Variants in VCL observed in about 807,000 individuals in gnomAD.
VCL encodes the protein epididymis luminal protein 114.
In VCL, 47 loss-of-function variants were observed where a neutral mutation model predicts 125.7. That is an observed-to-expected ratio of 0.37 (90% CI 0.30 to 0.48). The LOEUF (loss-of-function observed/expected upper bound fraction) is 0.48. Ranked by LOEUF, VCL falls within the 20% of genes least tolerant of loss-of-function variation. The pLI, the probability that VCL is intolerant of heterozygous loss-of-function variation, is 0.99. For synonymous variants in VCL, 458 were observed against 514.6 expected (o/e 0.89, Z 1.49); for missense variants, 1,069 against 1,455.5 (o/e 0.73, Z 4.32).
At chr10:74,009,517 C>T (rs900486121) in intron 1 of VCL, among the ~76,000 whole-genome samples, 1 of 152,082 alleles carries the variant, frequency 6.6e-6, no homozygotes. Context: ...CCTCAGCCTC[C>T]CAAAGTGCTG....
rs750057744 is a variant in VCL, at chr10:74,095,643, T to A, written c.1544-13T>A. Reference sequence around the variant, plus strand: ...TGGGTCTTGTAAGTTTCATTGTTTTTCTCTTGGTCCAGGTCAGGCTGCCAT... The same window carrying A: ...TGGGTCTTGTAAGTTTCATTGTTTTACTCTTGGTCCAGGTCAGGCTGCCAT... On this transcript the variant is annotated splice_polypyrimidine_tract_variant and intron_variant, in intron 11 of 21. Coordinates refer to ENST00000211998, the MANE Select transcript of VCL (RefSeq NM_014000.3). The A allele has an allele frequency of 6.2e-7, 1 of 1,613,344 alleles. No individual in the cohort carries two copies. The highest frequency in any genetic ancestry group is 2.2e-5 in the East Asian group (1 of 44,900).
In VCL at chr10:74,100,999, G is replaced by A. The variant is rs1840044531; in HGVS notation, c.1924G>A (p.Ala642Thr). 6.2e-7 allele frequency: 1 copy of A among 1,614,038 alleles called. No individual in the cohort carries two copies. The highest frequency in any genetic ancestry group is 1.3e-5 in the African/African-American group (1 of 75,006). Residue 642 changes from alanine to threonine, a missense_variant, in exon 14 of 22, where the codon GCT becomes ACT. Physicochemically the swap from Ala to Thr is moderately conservative, Grantham distance 58. Coordinates refer to ENST00000211998, the MANE Select transcript of VCL (RefSeq NM_014000.3). ...TGAAAACCATTCAGGAAAGCTTGGT[G>A]CTACGGCCGAGAAGGCGGCTGCGGT... is the stretch of plus-strand genomic sequence containing the variant. Reference protein sequence around the residue: ...NFENHSGKLGATAEKAAAVGT... With the variant: ...NFENHSGKLGTTAEKAAAVGT...
At chr10:74,083,625 CAG>C in intron 8 of VCL, 112 bp downstream of exon 8, 1 of 1,308,544 alleles carries the variant, frequency 7.6e-7, no homozygotes, top group Non-Finnish European at 1.1e-6. Context: ...TAGTAGATAA[CAG>C]AGATATTATA....
intron 2 of VCL, among the ~76,000 whole-genome samples, chr10:74,062,404 C>A (rs147706595): frequency 7.7e-6 from 1 of 130,160 alleles, no homozygotes; most frequent in Admixed American, 9.4e-5. Flanking sequence ...TGGAGTCTTG[C>A]TATATTGCCC....
intron 18 of VCL, among the ~76,000 whole-genome samples, chr10:74,109,737 T>C (rs925235474): frequency 6.6e-6 from 1 of 152,208 alleles, no homozygotes; most frequent in African/African-American, 2.4e-5. Flanking sequence ...AAAATATGGA[T>C]GCTACAGCAG....
At position 74,097,110 on chromosome 10, in the gene VCL, G is replaced by A. The variant is rs1023897546; in HGVS notation, c.1744-94G>A. ...ACAAATATTTATTGAATGAAAGACT[G>A]AATAGATGAATGAATGTCAGTGAAG... On this transcript the variant is annotated intron_variant, in intron 12 of 21. Coordinates refer to ENST00000211998, the MANE Select transcript of VCL (RefSeq NM_014000.3). This position sits in a 1 kb window ranked among gnomAD's most constrained non-coding sequence, Gnocchi z 4.1. The A allele has an allele frequency of 6.5e-7, 1 of 1,543,142 alleles. No homozygotes were observed. The highest frequency in any genetic ancestry group is 1.4e-5 in the African/African-American group (1 of 73,564).
chr10:74,112,857 C>T (rs1352017450), intron 19 of VCL, among the ~76,000 whole-genome samples: 1 of 152,126 alleles, frequency 6.6e-6, no homozygotes, highest in Non-Finnish European at 1.5e-5. Context: ...GATGGGTAGT[C>T]ACTAACCATG....
At chr10:74,063,068 T>TA (rs1165591554) in intron 2 of VCL, among the ~76,000 whole-genome samples, 1 of 151,344 alleles carries the variant, frequency 6.6e-6, no homozygotes, top group African/African-American at 2.4e-5. Flanking sequence ...AGACTTTGTC[T>TA]AAAAAAAAGA....
At chr10:74,064,081 T>C (rs1841523964) in intron 2 of VCL, among the ~76,000 whole-genome samples, 1 of 152,240 alleles carries the variant, frequency 6.6e-6, no homozygotes, top group Non-Finnish European at 1.5e-5. Context: ...CTGACTTTAC[T>C]ACAAAGTTGG....
At chr10:74,051,622 A>G (rs1841301170) in intron 2 of VCL, among the ~76,000 whole-genome samples, 2 of 152,250 alleles carry the variant, frequency 1.3e-5, no homozygotes, top group African/African-American at 4.8e-5. Flanking sequence ...TTTGATTCCA[A>G]GTATGCTCAT....
intron 1 of VCL, among the ~76,000 whole-genome samples, chr10:74,028,599 G>A (rs1445488188): frequency 6.6e-6 from 1 of 151,958 alleles, no homozygotes; most frequent in Non-Finnish European, 1.5e-5. Context: ...GTTTTACCAC[G>A]TTGGCCAGGC....
intron 2 of VCL, among the ~76,000 whole-genome samples, chr10:74,066,031 G>A (rs1334598072): frequency 7.0e-6 from 1 of 142,976 alleles, no homozygotes; most frequent in Non-Finnish European, 1.5e-5. Flanking sequence ...GAGGTAGAAT[G>A]GGTAAATCAA....
rs1313438627 is a variant in VCL, at chr10:74,097,228, G to A, written c.1768G>A (p.Ala590Thr). ...GGATCTAAAAGCTCGGATGCAGGAG[G>A]CCATGACTCAGGAAGTGTCAGATGT... ...LKDLKARMQE[A>T]MTQEVSDVFS... Residue 590 changes from alanine to threonine, a missense_variant, in exon 13 of 22, where the codon GCC (alanine) becomes ACC (threonine). Physicochemically the swap from Ala to Thr is moderately conservative, Grantham distance 58 (BLOSUM62 0). Around this residue, in one of 6 missense-constraint regions of VCL, gnomAD observed 760 missense variants for 928.9 expected, o/e 0.82. Transcript: ENST00000211998. The surrounding 1 kb of genome is among the most constrained non-coding windows in gnomAD (Gnocchi z 4.1). 6.2e-7 allele frequency: 1 copy of A among 1,614,014 alleles called. No homozygotes were observed. Among genetic ancestry groups the A allele is most frequent in the Non-Finnish European group, 8.5e-7 (1 of 1,179,940 alleles).
chr10:74,101,596 C>T (rs1380754040), intron 14 of VCL, among the ~76,000 whole-genome samples: 9 of 140,494 alleles, frequency 6.4e-5, no homozygotes, highest in South Asian at 2.2e-4. Context: ...TCGCCCAGGC[C>T]GGACTGTGGA....
chr10:74,116,679 T>A (rs1840314464), intron 21 of VCL, among the ~76,000 whole-genome samples: 1 of 120,472 alleles, frequency 8.3e-6, no homozygotes. Flanking sequence ...AGAGTGAAAC[T>A]CCGTCTCAAA....
At chr10:74,004,692 A>G (rs550138546) in intron 1 of VCL, among the ~76,000 whole-genome samples, 1 of 151,926 alleles carries the variant, frequency 6.6e-6, no homozygotes, top group East Asian at 1.9e-4. Flanking sequence ...CCAATTTCAT[A>G]GCATTTCTTT....
intron 18 of VCL, 62 bp downstream of exon 18, chr10:74,109,218 G>C: frequency 6.3e-7 from 1 of 1,594,688 alleles, no homozygotes; most frequent in Non-Finnish European, 8.6e-7. Context: ...GAAGGACCAT[G>C]AAAGACCCAG....
At chr10:74,037,462 G>C (rs1402228722) in intron 1 of VCL, among the ~76,000 whole-genome samples, 1 of 152,102 alleles carries the variant, frequency 6.6e-6, no homozygotes, top group Non-Finnish European at 1.5e-5. Flanking sequence ...TTGTTATTTT[G>C]GTGATAGAAC....
chr10:74,118,452 A>G lies in VCL; in HGVS notation c.*283A>G. 1 of 448,412 alleles carries G rather than the reference A, an allele frequency of 2.2e-6. No homozygotes were observed. Among genetic ancestry groups the G allele is most frequent in the Non-Finnish European group, 4.1e-6 (1 of 242,176 alleles). 27.8% of individuals were successfully genotyped at this position (448,412 alleles called of 1,614,324 possible). ...TGGGTTTCTAGCCCATGGACTTCAC[A>G]TAAGCTCAGAATCCAAGTGAACACT... On this transcript the variant is annotated 3_prime_UTR_variant, in exon 22 of 22. Coordinates refer to ENST00000211998, the MANE Select transcript of VCL (RefSeq NM_014000.3).
Sources: gnomAD v4.1 joint callset for allele counts (sites outside exome capture counted in the v4.1 genomes callset) on GRCh38, gnomAD v4.1.1 for gene constraint, gnomAD v4.1.1 regional missense constraint, Gnocchi (gnomAD v3.1) non-coding constraint, MANE v1.5 for transcripts, NCBI Gene and HGNC (gene_info 2026-07-23, HGNC 2026-07-21) for gene names.